The following SP6 variants were observed in gnomAD, a reference collection of about 807,000 sequenced individuals.
The protein encoded by SP6 is transcription factor Sp6.
A neutral mutation model predicts 23.4 loss-of-function variants in SP6; 10 were observed. The observed-to-expected ratio is 0.43, with a 90% CI of 0.26 to 0.72. The LOEUF (loss-of-function observed/expected upper bound fraction) is 0.72. Ranked by LOEUF, SP6 falls within the 30% of genes least tolerant of loss-of-function variation. The probability of loss-of-function intolerance (pLI) is 0.23; values close to 1 mark genes in which losing one functional copy is unlikely to be tolerated. For synonymous variants in SP6, 238 were observed against 238.7 expected, an observed-to-expected ratio of 1.00 and a Z score of 0.03; for missense variants, 482 against 523.8, an observed-to-expected ratio of 0.92 and a Z score of 0.78.
At chr17:47,852,084 G>C (rs935540347), upstream of SP6, among the ~76,000 whole-genome samples, 5 of 152,080 alleles carry the variant, frequency 3.3e-5, no homozygotes, top group African/African-American at 1.2e-4. Context: ...AATGGCCCTG[G>C]GAAGGGACAC....
chr17:47,874,504 C>T, the SP6 span, among the ~76,000 whole-genome samples: 14 of 152,134 alleles, frequency 9.2e-5, no homozygotes, highest in East Asian at 2.3e-3. Context: ...CCCAGGAGTT[C>T]GAGTCTAGCC....
upstream of SP6, among the ~76,000 whole-genome samples, chr17:47,858,246 C>G (rs559226229): frequency 2.6e-5 from 4 of 152,228 alleles, no homozygotes; most frequent in East Asian, 7.7e-4. Flanking sequence ...CCTCCCTCCC[C>G]TAAAGATCCC....
chr17:47,854,018 T>C (rs1016810929), upstream of SP6, among the ~76,000 whole-genome samples: 19 of 152,200 alleles, frequency 1.2e-4, no homozygotes, highest in African/African-American at 4.3e-4. Flanking sequence ...CATATACTTA[T>C]TGCTACTCAA....
chr17:47,856,095 A>G (rs1027561648), upstream of SP6, among the ~76,000 whole-genome samples: 21 of 152,200 alleles, frequency 1.4e-4, no homozygotes, highest in Admixed American at 5.9e-4. Context: ...TAAGAGAGAA[A>G]GAAGTTCCAT....
At chr17:47,855,989 T>C (rs1345195847), upstream of SP6, 2 of 152,206 alleles carry the variant, frequency 1.3e-5, no homozygotes, top group African/African-American at 4.8e-5. Context: ...TCTTGCAGGA[T>C]GGAGGAAATG....
the SP6 span, among the ~76,000 whole-genome samples, chr17:47,863,738 AT>A: frequency 0.43 from 42,532 of 98,442 alleles, 8,403 homozygotes; most frequent in Non-Finnish European, 0.47. Flanking sequence ...CTAATTTTGT[AT>A]TTTTTTTTTT....
At chr17:47,859,255 C>T (rs748687905), upstream of SP6, among the ~76,000 whole-genome samples, 6 of 152,242 alleles carry the variant, frequency 3.9e-5, no homozygotes, top group Non-Finnish European at 8.8e-5. Flanking sequence ...GTTCACCAAA[C>T]ATGTCCAGCC....
upstream of SP6, among the ~76,000 whole-genome samples, chr17:47,859,302 G>C (rs762258008): frequency 3.9e-5 from 6 of 152,186 alleles, no homozygotes; most frequent in Non-Finnish European, 8.8e-5. Context: ...ACCCCTGCCA[G>C]CCATTCTTGC....
At chr17:47,858,080 G>GCCTCT (rs1460883774), upstream of SP6, among the ~76,000 whole-genome samples, 5 of 150,604 alleles carry the variant, frequency 3.3e-5, no homozygotes. Context: ...CTCTGCCCTC[G>GCCTCT]CCTCTCGGTC....
chr17:47,849,153 T>C (rs1457513343), intron 1 of SP6, among the ~76,000 whole-genome samples: 1 of 151,794 alleles, frequency 6.6e-6, no homozygotes, highest in African/African-American at 2.4e-5. Flanking sequence ...TTCACCTCCC[T>C]GGGGAGCAGC....
chr17:47,875,132 C>A, the SP6 span, among the ~76,000 whole-genome samples: 2 of 152,200 alleles, frequency 1.3e-5, no homozygotes, highest in Non-Finnish European at 2.9e-5. Flanking sequence ...TCCTCCTCCT[C>A]TTCTCCCAGC....
chr17:47,847,409 C>A lies in SP6; in HGVS notation c.1021G>T (p.Glu341Ter). 6.2e-7 allele frequency: 1 copy of A among 1,613,516 alleles called. No individual in the cohort carries two copies. Among genetic ancestry groups the A allele is most frequent in the Non-Finnish European group, 8.5e-7 (1 of 1,179,862 alleles). The stretch of plus-strand genomic sequence containing the variant: ...CCCGAGGCCGCCCCAGCCGCCTCCT[C>A]CTTGGCGCCCTCGTGGGTTTTCATG... The part of the protein sequence containing the change: ...KHMKTHEGAK[E>*]EAAGAASGEG... Residue 341 changes from glutamate (E) to a stop codon, truncating the protein, a stop_gained, in exon 2 of 2, where the codon GAG (glutamate) becomes TAG (stop). Transcript: ENST00000536300. LOFTEE classifies it high-confidence loss of function.
the SP6 span, among the ~76,000 whole-genome samples, chr17:47,868,939 C>A: frequency 1.3e-5 from 2 of 152,322 alleles, no homozygotes; most frequent in South Asian, 2.1e-4. Context: ...GTCAGCAGGG[C>A]GCTCTGGGTG....
upstream of SP6, among the ~76,000 whole-genome samples, chr17:47,860,474 C>G (rs553143773): frequency 6.6e-6 from 1 of 152,192 alleles, no homozygotes; most frequent in South Asian, 2.1e-4. Flanking sequence ...GCAACTAGTA[C>G]TGAGTGTGCA....
the SP6 span, among the ~76,000 whole-genome samples, chr17:47,875,908 C>T: frequency 6.6e-6 from 1 of 152,198 alleles, no homozygotes. Flanking sequence ...GCCCTCAGCA[C>T]AGGAGCCCTG....
At chr17:47,870,613 T>G in the SP6 span, among the ~76,000 whole-genome samples, 1 of 152,188 alleles carries the variant, frequency 6.6e-6, no homozygotes, top group African/African-American at 2.4e-5. Flanking sequence ...ATCAGATCAG[T>G]TTACGGGGTC....
At chr17:47,871,140 T>G in the SP6 span, among the ~76,000 whole-genome samples, 1 of 152,230 alleles carries the variant, frequency 6.6e-6, no homozygotes, top group Non-Finnish European at 1.5e-5. Context: ...AAATGTTTAC[T>G]GGATGAATGA....
At chr17:47,871,721 C>T in the SP6 span, among the ~76,000 whole-genome samples, 8 of 151,952 alleles carry the variant, frequency 5.3e-5, no homozygotes, top group African/African-American at 1.9e-4. Flanking sequence ...CGGATTCAAG[C>T]GATTCTCCTG....
the SP6 span, among the ~76,000 whole-genome samples, chr17:47,870,094 G>A: frequency 6.6e-6 from 1 of 152,128 alleles, no homozygotes; most frequent in Non-Finnish European, 1.5e-5. Context: ...AGGAGGCTGT[G>A]CAGAGCCAAC....
Sources: gnomAD v4.1 joint callset for allele counts (sites outside exome capture counted in the v4.1 genomes callset) on GRCh38, gnomAD v4.1.1 for gene constraint, MANE v1.5 for transcripts, NCBI Gene and HGNC (gene_info 2026-07-23, HGNC 2026-07-21) for gene names.